HPS4: variants seen among roughly 807,000 people sequenced by gnomAD.
HPS4 encodes the protein HPS4 biogenesis of lysosomal organelles complex 3 subunit 2.
In HPS4, 44 loss-of-function variants were observed where a neutral mutation model predicts 70.3. The ratio of observed to expected loss-of-function variants is 0.63; its 90% CI spans 0.49 to 0.80. The LOEUF (loss-of-function observed/expected upper bound fraction) is 0.80. HPS4 is among the 30% of genes least tolerant of loss of function. The pLI is 0.00. For missense variants in HPS4, 873 were observed against 884.4 expected, an observed-to-expected ratio of 0.99 and a Z score of 0.16; for synonymous variants, 377 against 355.9, an observed-to-expected ratio of 1.06 and a Z score of -0.67.
intron 13 of HPS4, among the ~76,000 whole-genome samples, chr22:26,455,174 C>T (rs2085877712): frequency 6.6e-6 from 1 of 151,624 alleles, no homozygotes; most frequent in African/African-American, 2.4e-5. Flanking sequence ...GTCAGTGTGG[C>T]GATTCCTCAG....
chr22:26,454,159 T>G (rs2085676250), intron 13 of HPS4, among the ~76,000 whole-genome samples: 1 of 152,212 alleles, frequency 6.6e-6, no homozygotes, highest in South Asian at 2.1e-4. Flanking sequence ...AAGGCTCCCC[T>G]CACTCAATTC....
intron 7 of HPS4, among the ~76,000 whole-genome samples, chr22:26,469,475 A>T (rs1342917446): frequency 2.0e-5 from 3 of 151,856 alleles, no homozygotes; most frequent in Non-Finnish European, 2.9e-5. Context: ...AATGGTGAAG[A>T]AAGAAGGGGG....
At chr22:26,470,885 G>C in intron 6 of HPS4, 72 bp from the exon 7 acceptor site, 1 of 1,594,994 alleles carries the variant, frequency 6.3e-7, no homozygotes, top group Non-Finnish European at 8.5e-7. Context: ...AAGGGGAAAG[G>C]GTTGTACAGA....
intron 11 of HPS4, among the ~76,000 whole-genome samples, chr22:26,458,931 A>C (rs914490644): frequency 6.6e-6 from 1 of 152,202 alleles, no homozygotes; most frequent in Admixed American, 6.5e-5. Flanking sequence ...TGTTTTTAAA[A>C]ATAATGATTA....
Position 26,463,926 on chromosome 22 carries a change from T to G in HPS4, c.1704A>C (p.Ile568=). Reference sequence around the variant, plus strand: ...GTCTGAGGACACTCACCACTTCCTCTATGGCTGCGCTGTCTCCCAGCAGCG... The same window carrying G: ...GTCTGAGGACACTCACCACTTCCTCGATGGCTGCGCTGTCTCCCAGCAGCG... ...EEPLLGDSAA[I]EEVYHSSLAS... Residue 568 remains isoleucine, a synonymous_variant, in exon 11 of 14, where the codon ATA becomes ATC. Coordinates refer to ENST00000398145, the MANE Select transcript of HPS4 (RefSeq NM_022081.6). 1 of 1,613,378 alleles carries G rather than the reference T, an allele frequency of 6.2e-7. No homozygotes were observed. The highest frequency in any genetic ancestry group is 8.5e-7 in the Non-Finnish European group (1 of 1,180,012).
At chr22:26,453,533 G>C in intron 13 of HPS4, 129 bp from the exon 14 acceptor site, 1 of 938,006 alleles carries the variant, frequency 1.1e-6, no homozygotes, top group African/African-American at 1.6e-5. Flanking sequence ...AGCTGTCATG[G>C]CACGGAATTC....
intron 2 of HPS4, among the ~76,000 whole-genome samples, chr22:26,481,183 C>T (rs1182064943): frequency 1.3e-5 from 2 of 151,460 alleles, no homozygotes; most frequent in Non-Finnish European, 3.0e-5. Context: ...TTTTGACTTC[C>T]ACATAAATAA....
At chr22:26,443,481 G>C (rs1601709440), downstream of HPS4, 3 of 343,204 alleles carry the variant, frequency 8.7e-6, no homozygotes, top group East Asian at 1.9e-4. Context: ...TCCTTTGATT[G>C]GTCCTTGAGT....
chr22:26,467,700 T>C (rs2088935836), intron 8 of HPS4: 1 of 152,134 alleles, frequency 6.6e-6, no homozygotes, highest in Non-Finnish European at 1.5e-5. Context: ...CATGATACGC[T>C]GGAAACCACA....
intron 2 of HPS4, among the ~76,000 whole-genome samples, chr22:26,480,283 C>T (rs1010482132): frequency 2.0e-5 from 3 of 152,102 alleles, no homozygotes; most frequent in Non-Finnish European, 2.9e-5. Context: ...GCCATCCTCC[C>T]GCCTCAGCCT....
chr22:26,464,819 C>T lies in HPS4; in HGVS notation c.811G>A (p.Ala271Thr), dbSNP rs1444484127. 6.3e-7 allele frequency: 1 copy of T among 1,592,716 alleles called. No individual in the cohort carries two copies. Among genetic ancestry groups the T allele is most frequent in the Non-Finnish European group, 8.5e-7 (1 of 1,171,898 alleles). ...FPVEQMTRSL[A>T]SPAGLQDGSA... ...CCATCCTGGAGTCCTGCTGGAGATG[C>T]TAGAGACCTGGCAAACAAGAGAGAT... is the stretch of plus-strand genomic sequence containing the variant. The change falls in exon 11 of 14, where the codon GCA (alanine) becomes ACA (threonine). Residue 271 changes from alanine to threonine, a missense_variant. By Grantham distance (58) the Ala-to-Thr change is moderately conservative. Coordinates refer to ENST00000398145, the MANE Select transcript of HPS4 (RefSeq NM_022081.6).
chr22:26,483,858 G>T, upstream of HPS4: 1 of 1,327,184 alleles, frequency 7.5e-7, no homozygotes, highest in South Asian at 2.0e-5. Flanking sequence ...ATGACGTGCC[G>T]AGTGCGCCGC....
chr22:26,469,836 C>T (rs139446297), intron 7 of HPS4, among the ~76,000 whole-genome samples: 15 of 152,246 alleles, frequency 9.9e-5, no homozygotes, highest in Non-Finnish European at 1.9e-4. Flanking sequence ...TGATAAGAAC[C>T]GGGGCAAGGA....
At chr22:26,449,408 G>A (rs1179768296), downstream of HPS4, among the ~76,000 whole-genome samples, 1 of 143,436 alleles carries the variant, frequency 7.0e-6, no homozygotes, top group Non-Finnish European at 1.5e-5. Context: ...TCGGCTCACT[G>A]CAACCTCCGC....
chr22:26,477,442 C>T (rs1440452806), intron 3 of HPS4, among the ~76,000 whole-genome samples: 2 of 152,144 alleles, frequency 1.3e-5, no homozygotes, highest in Non-Finnish European at 2.9e-5. Flanking sequence ...GATGACTGCA[C>T]AGAACCGCAT....
Position 26,465,558 on chromosome 22 carries a change from T to A in HPS4, c.707-7A>T. 6.2e-7 allele frequency: 1 copy of A among 1,612,010 alleles called. No homozygotes were observed. The highest frequency in any genetic ancestry group is 8.5e-7 in the Non-Finnish European group (1 of 1,178,298). ...TTCGGGGGCAATGCCGCTCCTGGAA[T>A]TGCAAAGCAATATGAACAGGACTTT... On this transcript the variant is annotated splice_region_variant and splice_polypyrimidine_tract_variant and intron_variant, in intron 9 of 13. Coordinates refer to ENST00000398145, the MANE Select transcript of HPS4 (RefSeq NM_022081.6).
At chr22:26,470,843 C>T (rs770039207) in intron 6 of HPS4, 30 bp from the exon 7 acceptor site, 2 of 1,613,530 alleles carry the variant, frequency 1.2e-6, no homozygotes, top group African/African-American at 2.7e-5. Flanking sequence ...TCATGCCCAC[C>T]CATCAGCATG....
At chr22:26,459,467 G>A (rs932015487) in intron 11 of HPS4, among the ~76,000 whole-genome samples, 4 of 152,110 alleles carry the variant, frequency 2.6e-5, no homozygotes, top group African/African-American at 7.2e-5. Context: ...TGCTTTTCTC[G>A]TCTTTAAATA....
At chr22:26,445,312 C>T (rs182918967) in intron 3 of HPS4, among the ~76,000 whole-genome samples, 41 of 152,108 alleles carry the variant, frequency 2.7e-4, no homozygotes, top group African/African-American at 8.2e-4. Context: ...CCAGCCAAGA[C>T]GACAGAACAA....
Sources: gnomAD v4.1 joint callset for allele counts (sites outside exome capture counted in the v4.1 genomes callset) on GRCh38, gnomAD v4.1.1 for gene constraint, MANE v1.5 for transcripts, NCBI Gene and HGNC (gene_info 2026-07-23, HGNC 2026-07-21) for gene names.